DEPDC7: variants seen among roughly 807,000 people sequenced by gnomAD.
DEPDC7 encodes DEP domain-containing protein 7.
DEPDC7 carries 41 observed loss-of-function variants against 56.6 expected under a neutral mutation model. The observed-to-expected ratio is 0.72, with a 90% confidence interval of 0.56 to 0.94. The LOEUF (loss-of-function observed/expected upper bound fraction) is 0.94, where lower values mean the gene tolerates loss of function less well. DEPDC7 is among the 40% of genes least tolerant of loss of function. The pLI is 0.00. For synonymous variants in DEPDC7, 185 were observed against 208.8 expected (o/e 0.89, Z 0.98); for missense variants, 522 against 596.3 (o/e 0.88, Z 1.30).
At chr11:33,025,118 T>A (rs577206671) in intron 1 of DEPDC7, among the ~76,000 whole-genome samples, 25 of 152,228 alleles carry the variant, frequency 1.6e-4, no homozygotes, top group African/African-American at 5.5e-4. Flanking sequence ...CCCTCCTTGA[T>A]CTAACTTCCT....
In DEPDC7 at chr11:33,033,451, A is replaced by G; in HGVS notation, c.1532A>G (p.Asp511Gly). The change falls in exon 9 of 9, where the codon GAC becomes GGC. Residue 511 changes from aspartate (D) to glycine (G), a missense_variant. Asp to Gly is a moderately conservative substitution (Grantham distance 94, BLOSUM62 -1). Coordinates refer to ENST00000241051, the MANE Select transcript of DEPDC7 (RefSeq NM_001077242.2). ...HPDIFIEHFGD is the reference protein window; with the variant it reads ...HPDIFIEHFGG The stretch of plus-strand genomic sequence containing the variant: ...GACATCTTTATTGAGCATTTTGGAG[A>G]CTGAGTTTTTAATATCTGTATATAA... 9 of 1,561,228 alleles carry G rather than the reference A, an allele frequency of 5.8e-6. No individual in the cohort carries two copies. The highest frequency in any genetic ancestry group is 7.8e-6 in the Non-Finnish European group (9 of 1,159,190).
At chr11:33,030,371 T>C (rs1477203825) in intron 4 of DEPDC7, among the ~76,000 whole-genome samples, 2 of 152,168 alleles carry the variant, frequency 1.3e-5, no homozygotes, top group Non-Finnish European at 2.9e-5. Flanking sequence ...ATGACCTGCC[T>C]GAGATACCTC....
intron 1 of DEPDC7, chr11:33,016,365 G>T: frequency 7.0e-7 from 1 of 1,436,766 alleles, no homozygotes. Context: ...GCTCCGCGGT[G>T]CTACCGGTGA....
intron 1 of DEPDC7, chr11:33,016,734 G>C: frequency 1.3e-6 from 1 of 741,842 alleles, no homozygotes; most frequent in Non-Finnish European, 2.3e-6. Context: ...TAGGATTCTG[G>C]TTTCTTTAAA....
intron 4 of DEPDC7, 68 bp from the exon 5 acceptor site, chr11:33,031,310 T>C: frequency 1.7e-6 from 2 of 1,183,110 alleles, no homozygotes; most frequent in South Asian, 2.5e-5. Context: ...CATGTGTATA[T>C]TTGTTATTCT....
intron 4 of DEPDC7, 75 bp downstream of exon 4, chr11:33,028,867 C>T (rs1853605262): frequency 8.6e-7 from 1 of 1,168,406 alleles, no homozygotes; most frequent in African/African-American, 1.6e-5. Flanking sequence ...GTAATCTGTT[C>T]TATTCTTTTT....
At chr11:33,031,650 T>A in intron 5 of DEPDC7, 61 bp downstream of exon 5, 1 of 1,349,972 alleles carries the variant, frequency 7.4e-7, no homozygotes, top group Non-Finnish European at 1.1e-6. Context: ...AAAAAGTTAG[T>A]TCTCAAACTG....
At chr11:33,029,344 A>G (rs1173336885) in intron 4 of DEPDC7, among the ~76,000 whole-genome samples, 1 of 151,868 alleles carries the variant, frequency 6.6e-6, no homozygotes, top group Non-Finnish European at 1.5e-5. Context: ...CTAAAAATAC[A>G]AAAATTAGCC....
intron 1 of DEPDC7, among the ~76,000 whole-genome samples, chr11:33,022,599 A>G (rs540973666): frequency 6.6e-6 from 1 of 152,218 alleles, no homozygotes; most frequent in African/African-American, 2.4e-5. Context: ...TTAAGCAGAA[A>G]TTGTTTATTT....
Position 33,031,400 on chromosome 11 carries a change from G to A in DEPDC7, c.805G>A (p.Ala269Thr). The change falls in exon 5 of 9, where the codon GCA (alanine) becomes ACA (threonine). Residue 269 changes from alanine to threonine, a missense_variant. Coordinates refer to ENST00000241051, the MANE Select transcript of DEPDC7 (RefSeq NM_001077242.2). ...DSQEDEWLSA[A>T]IDCLEYLPDQ... ...TAGGGAAGATGAGTGGCTCTCGGCAGCAATTGACTGTTTAGAATACCTTCC... is the reference window on the plus strand; with the variant it reads ...TAGGGAAGATGAGTGGCTCTCGGCAACAATTGACTGTTTAGAATACCTTCC... The A allele has an allele frequency of 6.2e-7, 1 of 1,614,138 alleles. No individual in the cohort carries two copies. The highest frequency in any genetic ancestry group is 8.5e-7 in the Non-Finnish European group (1 of 1,179,984).
Position 33,032,405 on chromosome 11 carries a change from G to T in DEPDC7, c.1064G>T (p.Arg355Ile). 1 of 1,580,322 alleles carries T rather than the reference G, an allele frequency of 6.3e-7. No homozygotes were observed. Among genetic ancestry groups the T allele is most frequent in the South Asian group, 1.2e-5 (1 of 84,602 alleles). The change falls in exon 6 of 9, where the codon AGA (arginine) becomes ATA (isoleucine). Residue 355 changes from arginine to isoleucine, a missense_variant. Physicochemically the swap from Arg to Ile is moderately conservative, Grantham distance 97 (BLOSUM62 -3). Transcript: ENST00000241051. Reference protein sequence around the residue: ...LLLKLLDFQNREEFRRLLYFM... With the variant: ...LLLKLLDFQNIEEFRRLLYFM... ...CTAAAGCTTTTAGATTTCCAAAATAGAGAAGAATTTAGAAGACTACTGTAT... is the reference window on the plus strand; with the variant it reads ...CTAAAGCTTTTAGATTTCCAAAATATAGAAGAATTTAGAAGACTACTGTAT...
Position 33,025,741 on chromosome 11 carries a change from GAA to G in DEPDC7, c.161_162del (p.Lys54ThrfsTer9). ...INTLQTQVEV[K>X]KRRHRLKRHN... ...ACACTCTTCAAACACAAGTGGAAGT[GAA>G]AAAACGAAGGCACCGTTTAAAACGA... On this transcript the variant is annotated frameshift_variant, in exon 2 of 9. Coordinates refer to ENST00000241051, the MANE Select transcript of DEPDC7 (RefSeq NM_001077242.2). LOFTEE classifies it high-confidence loss of function. The G allele has an allele frequency of 1.2e-6, 2 of 1,614,166 alleles. No homozygotes were observed. Among genetic ancestry groups the G allele is most frequent in the South Asian group, 2.2e-5 (2 of 91,082 alleles).
chr11:33,021,304 A>G (rs1448860453), intron 1 of DEPDC7, among the ~76,000 whole-genome samples: 1 of 152,124 alleles, frequency 6.6e-6, no homozygotes, highest in East Asian at 1.9e-4. Flanking sequence ...GGAAGCATCA[A>G]GATGTAGATA....
chr11:33,033,129 G>T, intron 8 of DEPDC7, 133 bp from the exon 9 acceptor site: 1 of 875,450 alleles, frequency 1.1e-6, no homozygotes, highest in East Asian at 2.7e-5. Flanking sequence ...TAGAAAGTCA[G>T]CAGTGCTTAC....
At chr11:33,027,213 C>T (rs141728920) in intron 2 of DEPDC7, among the ~76,000 whole-genome samples, 46 of 152,164 alleles carry the variant, frequency 3.0e-4, no homozygotes, top group African/African-American at 8.4e-4. Context: ...AATATACTAC[C>T]GGGATAAATT....
At chr11:33,016,656 A>C in intron 1 of DEPDC7, 2 of 1,537,732 alleles carry the variant, frequency 1.3e-6, no homozygotes, top group Admixed American at 3.4e-5. Flanking sequence ...AAACAGTTAC[A>C]TGAAATTAGG....
In DEPDC7 at chr11:33,032,349, G is replaced by T. The variant is rs183771544; in HGVS notation, c.1008G>T (p.Thr336=). The T allele has an allele frequency of 6.4e-7, 1 of 1,555,920 alleles. No individual in the cohort carries two copies. The highest frequency in any genetic ancestry group is 2.4e-5 in the East Asian group (1 of 41,450). Residue 336 remains threonine (T), a synonymous_variant, in exon 6 of 9, where the codon ACG becomes ACT. Coordinates refer to ENST00000241051, the MANE Select transcript of DEPDC7 (RefSeq NM_001077242.2). ...TTTTGGCTAAAGTGAATGGGAAGAC[G>T]GAAATAGCTTTAGAAGCTACCCAGC... ...GIAELLVNGK[T]EIALEATQLL...
chr11:33,033,280 G>T lies in DEPDC7; in HGVS notation c.1361G>T (p.Arg454Ile), dbSNP rs374445520. 5 of 1,595,088 alleles carry T rather than the reference G, an allele frequency of 3.1e-6. No homozygotes were observed. The highest frequency in any genetic ancestry group is 4.3e-6 in the Non-Finnish European group (5 of 1,174,606). Residue 454 changes from arginine (R) to isoleucine (I), a missense_variant, in exon 9 of 9, where the codon AGA becomes ATA. Coordinates refer to ENST00000241051, the MANE Select transcript of DEPDC7 (RefSeq NM_001077242.2). ...CTTTAAGGATATATTTATTGCCAGA[G>T]AATTGATCAACGTGACTATTCCAAC... The part of the protein sequence containing the change: ...NRDAGYIYCQ[R>I]IDQRDYSNNT...
At position 33,028,629 on chromosome 11, in the gene DEPDC7, A is replaced by G; in HGVS notation, c.619A>G (p.Thr207Ala). 1 of 1,598,060 alleles carries G rather than the reference A, an allele frequency of 6.3e-7. No individual in the cohort carries two copies. The highest frequency in any genetic ancestry group is 8.5e-7 in the Non-Finnish European group (1 of 1,175,836). Residue 207 changes from threonine to alanine, a missense_variant, in exon 4 of 9, where the codon ACA (threonine) becomes GCA (alanine). By Grantham distance (58) the Thr-to-Ala change is moderately conservative. Transcript: ENST00000241051. ...TATTAATGAAGTGTGGCAAGAAGAA[A>G]CAATTGGGCGTCTACTACAACTTGT... ...QVINEVWQEE[T>A]IGRLLQLVDL...
Sources: gnomAD v4.1 joint callset for allele counts (sites outside exome capture counted in the v4.1 genomes callset) on GRCh38, gnomAD v4.1.1 for gene constraint, MANE v1.5 for transcripts, NCBI Gene and HGNC (gene_info 2026-07-23, HGNC 2026-07-21) for gene names.